Variants in FBXO25 observed in about 807,000 individuals in gnomAD.
FBXO25 encodes F-box only protein 25.
FBXO25 carries 45 observed loss-of-function variants against 51.9 expected under a neutral mutation model. The ratio of observed to expected loss-of-function variants is 0.87; its 90% CI spans 0.68 to 1.11. FBXO25 has a LOEUF of 1.11. Among genes scored for constraint, FBXO25 ranks in the 50% most tolerant of loss-of-function variants. The probability of loss-of-function intolerance (pLI) is 0.00; values close to 1 mark genes in which losing one functional copy is unlikely to be tolerated. For missense variants in FBXO25, 507 were observed against 428.5 expected (o/e 1.18, Z -1.62); for synonymous variants, 199 against 151.0 (o/e 1.32, Z -2.33).
At chr8:407,830 T>C (rs537596853) in intron 1 of FBXO25, among the ~76,000 whole-genome samples, 7 of 152,290 alleles carry the variant, frequency 4.6e-5, no homozygotes, top group Admixed American at 3.9e-4. Flanking sequence ...CAGCAGACAC[T>C]AATTTTGCAT....
rs113808347 is a variant in FBXO25, at chr8:474,121, T to C, written c.*5317T>C. 9,039 of 154,172 alleles carry C rather than the reference T, an allele frequency of 0.059. 286 individuals carry two copies. The highest frequency in any genetic ancestry group is 0.091 in the Middle Eastern group (27 of 298). 9.6% of individuals were successfully genotyped at this position (154,172 alleles called of 1,614,324 possible). On this transcript the variant is annotated 3_prime_UTR_variant, in exon 10 of 10. Transcript: ENST00000350302. ...TTAAGCACCAACTCCCTATTCCCCA[T>C]CCACCAGCCCCTGGCAGCCTCTGTT...
intron 2 of FBXO25, among the ~76,000 whole-genome samples, chr8:423,322 T>C (rs1442799573): frequency 6.6e-6 from 1 of 152,218 alleles, no homozygotes; most frequent in African/African-American, 2.4e-5. Context: ...TTATTTTAGA[T>C]ACAGGGGGTC....
intron 7 of FBXO25, among the ~76,000 whole-genome samples, chr8:454,387 G>T (rs1799283908): frequency 6.6e-6 from 1 of 152,240 alleles, no homozygotes. Context: ...CACCCCGTCA[G>T]CACTTCCTAG....
intron 2 of FBXO25, among the ~76,000 whole-genome samples, chr8:420,102 A>G (rs977843219): frequency 6.6e-6 from 1 of 152,116 alleles, no homozygotes; most frequent in African/African-American, 2.4e-5. Context: ...CACTGCAGCT[A>G]GCCTGAGGCC....
At chr8:463,250 T>TG (rs1275136068) in intron 9 of FBXO25, 100 bp downstream of exon 9, 1 of 1,312,568 alleles carries the variant, frequency 7.6e-7, no homozygotes, top group African/African-American at 1.5e-5. Flanking sequence ...CGGAAAATAC[T>TG]GTTTGTTATA....
chr8:468,442 C>T (rs1291361074), intron 9 of FBXO25, among the ~76,000 whole-genome samples: 1 of 152,148 alleles, frequency 6.6e-6, no homozygotes, highest in African/African-American at 2.4e-5. Context: ...CAGCAGCTGG[C>T]TCCTCTGACT....
In FBXO25 at chr8:476,051, T is replaced by C. The variant is rs1398242005; in HGVS notation, c.*7247T>C. 6.6e-6 allele frequency: 1 copy of C among 152,190 alleles called. No individual in the cohort carries two copies. The highest frequency in any genetic ancestry group is 2.4e-5 in the African/African-American group (1 of 41,444). The allele number at this position is 152,190 out of a possible 1,614,324, so 9.4% of individuals were successfully genotyped here. Reference sequence around the variant, plus strand: ...CTCTATTTTAGGTTGTTTCCTTCTATTCCCAATTGTTGAGTTTTTATCATG... The same window carrying C: ...CTCTATTTTAGGTTGTTTCCTTCTACTCCCAATTGTTGAGTTTTTATCATG... On this transcript the variant is annotated 3_prime_UTR_variant, in exon 10 of 10. Coordinates refer to ENST00000350302, the MANE Select transcript of FBXO25 (RefSeq NM_183420.2).
intron 1 of FBXO25, among the ~76,000 whole-genome samples, chr8:407,771 C>T (rs904137589): frequency 5.3e-5 from 8 of 152,126 alleles, no homozygotes; most frequent in Non-Finnish European, 1.2e-4. Context: ...GTGGCTCTGG[C>T]TCTGTCTCTG....
At chr8:453,787 G>C (rs574067752) in intron 7 of FBXO25, among the ~76,000 whole-genome samples, 1 of 152,140 alleles carries the variant, frequency 6.6e-6, no homozygotes, top group Non-Finnish European at 1.5e-5. Flanking sequence ...CCAGTGAGCT[G>C]ACAGTTGTCT....
rs1797383321 is a variant in FBXO25 at position 424,992 on chromosome 8, A to G, written c.135-6349A>G. Among the ~76,000 whole-genome samples the G allele has an allele frequency of 2.6e-5, 4 of 152,294 alleles. 1 individual carries two copies. Among genetic ancestry groups the G allele is most frequent in the Admixed American group, 2.6e-4 (4 of 15,296 alleles). On this transcript the variant is annotated intron_variant, in intron 2 of 9. Transcript: ENST00000350302. The stretch of plus-strand genomic sequence containing the variant: ...AATATTTTTTAAAAATGTTTCATCT[A>G]CTAACTTACTGCAAAGAGTTTTATA...
chr8:447,015 C>T (rs991608237), intron 5 of FBXO25, among the ~76,000 whole-genome samples: 2 of 152,126 alleles, frequency 1.3e-5, no homozygotes, highest in African/African-American at 4.8e-5. Context: ...GCAGCTAAGC[C>T]TGGGCAGTGA....
intron 7 of FBXO25, among the ~76,000 whole-genome samples, chr8:453,386 G>A (rs1799214470): frequency 6.6e-6 from 1 of 152,176 alleles, no homozygotes; most frequent in East Asian, 1.9e-4. Context: ...GAGGATCTTG[G>A]CTTCTGGACC....
intron 6 of FBXO25, 152 bp downstream of exon 6, chr8:450,235 TC>T (rs1377455831): frequency 1.9e-6 from 1 of 516,580 alleles, no homozygotes; most frequent in Non-Finnish European, 3.3e-6. Flanking sequence ...AGGTCATCCT[TC>T]CAGTTCCCAG....
chr8:441,829 G>A (rs1196001965), intron 5 of FBXO25, among the ~76,000 whole-genome samples: 1 of 152,198 alleles, frequency 6.6e-6, no homozygotes, highest in Non-Finnish European at 1.5e-5. Flanking sequence ...ACACCAGTTA[G>A]GATGGCTATC....
At chr8:410,732 G>C (rs1409448555) in intron 1 of FBXO25, among the ~76,000 whole-genome samples, 1 of 152,198 alleles carries the variant, frequency 6.6e-6, no homozygotes, top group East Asian at 1.9e-4. Context: ...AGTTCTGTGA[G>C]ACAAAGTTTA....
intron 7 of FBXO25, among the ~76,000 whole-genome samples, chr8:452,640 G>T (rs1646491775): frequency 6.6e-6 from 1 of 152,204 alleles, no homozygotes; most frequent in Non-Finnish European, 1.5e-5. Context: ...AGGATCCCAA[G>T]GAAGGGGGTG....
chr8:434,872 AAAT>A (rs1798009410), intron 4 of FBXO25, among the ~76,000 whole-genome samples: 1 of 152,202 alleles, frequency 6.6e-6, no homozygotes, highest in South Asian at 2.1e-4. Context: ...TACTGAAAAT[AAAT>A]TGTTTCATTT....
chr8:412,175 C>G (rs1440818265), intron 1 of FBXO25, among the ~76,000 whole-genome samples: 1 of 152,174 alleles, frequency 6.6e-6, no homozygotes, highest in East Asian at 1.9e-4. Context: ...GTATTTCAAA[C>G]TGAACAGGCA....
At chr8:468,258 A>T (rs1361565171) in intron 9 of FBXO25, 1 of 1,013,310 alleles carries the variant, frequency 9.9e-7, no homozygotes, top group Non-Finnish European at 1.2e-6. Context: ...CTCCTGTCCT[A>T]TGCAGGGAGC....
Sources: gnomAD v4.1 joint callset for allele counts (sites outside exome capture counted in the v4.1 genomes callset) on GRCh38, gnomAD v4.1.1 for gene constraint, MANE v1.5 for transcripts, NCBI Gene and HGNC (gene_info 2026-07-23, HGNC 2026-07-21) for gene names.